The following PPARGC1A variants were observed in gnomAD, a reference collection of about 807,000 sequenced individuals.
PPARGC1A encodes peroxisome proliferator-activated receptor gamma coactivator 1-alpha.
PPARGC1A carries 25 observed loss-of-function variants against 88.7 expected under a neutral mutation model. The ratio of observed to expected loss-of-function variants is 0.28; its 90% CI spans 0.21 to 0.39. The LOEUF is 0.39. Among genes scored for constraint, PPARGC1A ranks in the 10% least tolerant of loss-of-function variants. The probability of loss-of-function intolerance (pLI) is 1.00; values close to 1 mark genes in which losing one functional copy is unlikely to be tolerated. For synonymous variants in PPARGC1A, 363 were observed against 355.6 expected (o/e 1.02, Z -0.24); for missense variants, 880 against 968.7 (o/e 0.91, Z 1.22).
At chr4:24,303,188 G>A in the PPARGC1A span, among the ~76,000 whole-genome samples, 1 of 152,158 alleles carries the variant, frequency 6.6e-6, no homozygotes, top group Non-Finnish European at 1.5e-5. Flanking sequence ...TTCCAAGATA[G>A]GAGTTATTTT....
intron 2 of PPARGC1A, chr4:23,882,839 A>G (rs1716205831): frequency 6.6e-6 from 1 of 152,148 alleles, no homozygotes; most frequent in Non-Finnish European, 1.5e-5. Flanking sequence ...CAAATACCAC[A>G]ACACAAAATA....
chr4:24,444,061 A>C, the PPARGC1A span, among the ~76,000 whole-genome samples: 7 of 151,956 alleles, frequency 4.6e-5, no homozygotes, highest in Non-Finnish European at 7.4e-5. Flanking sequence ...TTGTAGAGAA[A>C]GAGTCTCATT....
At chr4:24,389,494 T>C in the PPARGC1A span, among the ~76,000 whole-genome samples, 1 of 152,164 alleles carries the variant, frequency 6.6e-6, no homozygotes, top group Non-Finnish European at 1.5e-5. Context: ...ATAACAGTAT[T>C]TATCCCATGA....
chr4:24,132,511 A>G, the PPARGC1A span, among the ~76,000 whole-genome samples: 4 of 152,324 alleles, frequency 2.6e-5, no homozygotes, highest in African/African-American at 9.6e-5. Flanking sequence ...CACATTGTTT[A>G]GTCAGCGATT....
chr4:24,413,335 A>G, the PPARGC1A span, among the ~76,000 whole-genome samples: 2,051 of 152,026 alleles, frequency 0.013, 62 homozygotes, highest in East Asian at 0.11. Context: ...GGAAGACAAG[A>G]CTACAGCCAA....
At chr4:23,861,117 T>C (rs1731161841) in intron 2 of PPARGC1A, among the ~76,000 whole-genome samples, 1 of 152,222 alleles carries the variant, frequency 6.6e-6, no homozygotes, top group African/African-American at 2.4e-5. Context: ...CCTTTCTCAA[T>C]GTGCTGCAGT....
the PPARGC1A span, among the ~76,000 whole-genome samples, chr4:24,233,753 TA>T: frequency 1.8e-3 from 261 of 148,080 alleles, 1 homozygote; most frequent in African/African-American, 4.7e-3. Context: ...TCACACAGGT[TA>T]AAAAAAAAAA....
chr4:24,457,550 T>G, the PPARGC1A span, among the ~76,000 whole-genome samples: 1 of 151,758 alleles, frequency 6.6e-6, no homozygotes, highest in African/African-American at 2.4e-5. Context: ...TTTGTTTGTT[T>G]GTTTGTTTGT....
At chr4:24,291,560 A>T in the PPARGC1A span, among the ~76,000 whole-genome samples, 1 of 152,160 alleles carries the variant, frequency 6.6e-6, no homozygotes, top group African/African-American at 2.4e-5. Flanking sequence ...AGGTGGTTTT[A>T]TCCTCAAGTA....
chr4:23,813,214 G>A, intron 8 of PPARGC1A, 89 bp from the exon 9 acceptor site: 2 of 1,067,530 alleles, frequency 1.9e-6, no homozygotes, highest in Non-Finnish European at 2.9e-6. Context: ...CTGGGACACT[G>A]TATTACAGAG....
At chr4:23,810,077 C>T (rs58130556) in intron 10 of PPARGC1A, among the ~76,000 whole-genome samples, 10,874 of 152,182 alleles carry the variant, frequency 0.071, 443 homozygotes, top group East Asian at 0.19. Flanking sequence ...ATATTTATTA[C>T]AGAAAGAGCT....
chr4:24,317,122 G>A, the PPARGC1A span, among the ~76,000 whole-genome samples: 9 of 152,118 alleles, frequency 5.9e-5, no homozygotes, highest in Admixed American at 2.0e-4. Context: ...GCTTAAAGAG[G>A]TTGGGTAAGC....
At chr4:23,905,434 C>T (rs537764378), upstream of PPARGC1A, among the ~76,000 whole-genome samples, 203 of 152,256 alleles carry the variant, frequency 1.3e-3, 1 homozygote, top group African/African-American at 4.7e-3. Context: ...TCCATGGTGA[C>T]CTACAACTGT....
the PPARGC1A span, among the ~76,000 whole-genome samples, chr4:23,927,409 TTTCTTCACATCCATCAA>T: frequency 6.6e-6 from 1 of 152,242 alleles, no homozygotes; most frequent in Non-Finnish European, 1.5e-5. Flanking sequence ...TATATATTTA[TTTCTTCACATCCATCAA>T]GAAAAGGTTT....
At chr4:23,988,914 A>G in the PPARGC1A span, among the ~76,000 whole-genome samples, 1 of 147,536 alleles carries the variant, frequency 6.8e-6, no homozygotes, top group Admixed American at 6.9e-5. Context: ...AGATATTATT[A>G]TATAATATAT....
At chr4:23,878,589 G>A (rs1715291095) in intron 2 of PPARGC1A, among the ~76,000 whole-genome samples, 3 of 152,114 alleles carry the variant, frequency 2.0e-5, no homozygotes, top group Admixed American at 1.3e-4. Context: ...TAAACCAGAT[G>A]TTCCCAAGAT....
chr4:23,824,561 T>G, intron 5 of PPARGC1A, 53 bp from the exon 6 acceptor site: 1 of 1,439,850 alleles, frequency 6.9e-7, no homozygotes, highest in South Asian at 1.3e-5. Flanking sequence ...CTTTTAGATT[T>G]CTTTTCTCTC....
the PPARGC1A span, among the ~76,000 whole-genome samples, chr4:24,087,221 T>C: frequency 6.6e-6 from 1 of 152,178 alleles, no homozygotes; most frequent in Non-Finnish European, 1.5e-5. Context: ...TGGGCCAATC[T>C]CTTATTCTCC....
upstream of PPARGC1A, chr4:23,890,358 C>A (rs1033610201): frequency 9.3e-5 from 16 of 171,882 alleles, no homozygotes; most frequent in Admixed American, 3.2e-4. Flanking sequence ...CATATAATAA[C>A]CAAAATCCCC....
Sources: gnomAD v4.1 joint callset for allele counts (sites outside exome capture counted in the v4.1 genomes callset) on GRCh38, gnomAD v4.1.1 for gene constraint, MANE v1.5 for transcripts, NCBI Gene and HGNC (gene_info 2026-07-23, HGNC 2026-07-21) for gene names.